RAB8A: variants seen among roughly 807,000 people sequenced by gnomAD.
RAB8A encodes the protein ras-related protein Rab-8A.
Under a neutral mutation model 29.2 loss-of-function variants are expected in RAB8A, and 5 were observed. The ratio of observed to expected loss-of-function variants is 0.17; its 90% CI spans 0.09 to 0.36. The LOEUF (loss-of-function observed/expected upper bound fraction) is 0.36. Ranked by LOEUF, RAB8A falls within the 10% of genes least tolerant of loss-of-function variation. The pLI, the probability that RAB8A is intolerant of heterozygous loss-of-function variation, is 1.00. For missense variants in RAB8A, 171 were observed against 272.2 expected (o/e 0.63, Z 2.62); for synonymous variants, 108 against 99.9 (o/e 1.08, Z -0.49).
chr19:16,132,568 CAGAG>C lies in RAB8A; in HGVS notation c.*273_*276del, dbSNP rs2090931169. ...CGGGCCCACCCACACGTTGTATATT[CAGAG>C]AGAGAGAGGGAGTCAAGGTGTGACC... On this transcript the variant is annotated 3_prime_UTR_variant, in exon 8 of 8. Coordinates refer to ENST00000300935, the MANE Select transcript of RAB8A (RefSeq NM_005370.5). The surrounding 1 kb of genome is among the most constrained non-coding windows in gnomAD (Gnocchi z 5.6). 8.5e-6 allele frequency: 4 copies of C among 468,238 alleles called. No homozygotes were observed. The highest frequency in any genetic ancestry group is 1.2e-5 in the Non-Finnish European group (3 of 255,782). The allele number at this position is 468,238 out of a possible 1,614,324, so 29.0% of individuals were successfully genotyped here.
rs2090909461 is a variant in RAB8A at position 16,128,037 on chromosome 19, C to T, written c.426C>T (p.Asp142=). The T allele has an allele frequency of 6.2e-7, 1 of 1,614,180 alleles. No homozygotes were observed. Among genetic ancestry groups the T allele is most frequent in the Non-Finnish European group, 8.5e-7 (1 of 1,180,026 alleles). ...SKERGEKLAL[D]YGIKFMETSA... ...TCCCTCTCTCACAGCTGGCCCTCGA[C>T]TATGGAATCAAGTTCATGGAGACCA... Residue 142 remains aspartate (D), a synonymous_variant, in exon 6 of 8, where the codon GAC becomes GAT. Coordinates refer to ENST00000300935, the MANE Select transcript of RAB8A (RefSeq NM_005370.5).
At chr19:16,124,069 G>A (rs1004862422) in intron 3 of RAB8A, 2 of 152,134 alleles carry the variant, frequency 1.3e-5, no homozygotes, top group Non-Finnish European at 1.5e-5. Context: ...GGTGAAGGCA[G>A]GAATCCTGGG....
rs1261441156 is a variant in RAB8A at position 16,133,454 on chromosome 19, T to C, written c.*1150T>C. Reference sequence around the variant, plus strand: ...CACCAGCCTTTTCTTTTTTTCTTTCTTTTTTTTTTTTTCCTCCTTAAGCTG... The same window carrying C: ...CACCAGCCTTTTCTTTTTTTCTTTCCTTTTTTTTTTTTCCTCCTTAAGCTG... On this transcript the variant is annotated 3_prime_UTR_variant, in exon 8 of 8. Transcript: ENST00000300935. The C allele has an allele frequency of 1.9e-5, 2 of 107,064 alleles. No homozygotes were observed. Among genetic ancestry groups the C allele is most frequent in the Non-Finnish European group, 2.1e-5 (1 of 48,564 alleles). The allele number at this position is 107,064 out of a possible 1,614,324, so 6.6% of individuals were successfully genotyped here.
intron 1 of RAB8A, chr19:16,112,248 C>T (rs1002589848): frequency 1.7e-6 from 1 of 585,520 alleles, no homozygotes; most frequent in African/African-American, 1.9e-5. Flanking sequence ...GACTGAGGCT[C>T]CGACCCTCAG....
intron 2 of RAB8A, among the ~76,000 whole-genome samples, chr19:16,120,316 T>TTC (rs1423900216): frequency 3.4e-5 from 5 of 147,554 alleles, no homozygotes; most frequent in Admixed American, 2.7e-4. Context: ...ACCTTTAATT[T>TTC]TTTTTTTTTT....
rs141493618 is a variant in RAB8A, at chr19:16,133,153, G to A, written c.*849G>A. 531 of 152,368 alleles carry A rather than the reference G, an allele frequency of 3.5e-3. 7 individuals are homozygous for A. Among genetic ancestry groups the A allele is most frequent in the Admixed American group, 0.016 (243 of 15,282 alleles). 9.4% of individuals were successfully genotyped at this position (152,368 alleles called of 1,614,324 possible). A position where few individuals can be genotyped will look rare whatever the true frequency, so the allele number is the denominator to read the frequency against. ...CGTGTCCTCCCGCTATCTCCAAATC[G>A]GACGTTCTTTCTAGCTGAGATTTTT... On this transcript the variant is annotated 3_prime_UTR_variant, in exon 8 of 8. Coordinates refer to ENST00000300935, the MANE Select transcript of RAB8A (RefSeq NM_005370.5).
At chr19:16,128,002 T>G in intron 5 of RAB8A, 24 bp from the exon 6 acceptor site, 1 of 1,613,626 alleles carries the variant, frequency 6.2e-7, no homozygotes, top group Non-Finnish European at 8.5e-7. Context: ...GGTGTGCTCA[T>G]GCGTGTGCCT....
At chr19:16,126,131 G>A (rs930404924) in intron 4 of RAB8A, 3 of 185,828 alleles carry the variant, frequency 1.6e-5, no homozygotes, top group Admixed American at 1.6e-4. Context: ...TAACCATGTG[G>A]GGCTTCAGGT....
At position 16,127,668 on chromosome 19, in the gene RAB8A, C is replaced by A; in HGVS notation, c.414+142C>A. On this transcript the variant is annotated intron_variant, in intron 5 of 7. Transcript: ENST00000300935. This position sits in a 1 kb window ranked among gnomAD's most constrained non-coding sequence, Gnocchi z 4.8. ...GGCACGTGCCATGGGATGACAGAAGCACACACCCAGCCGGGGCTTCTTGGG... is the reference window on the plus strand; with the variant it reads ...GGCACGTGCCATGGGATGACAGAAGAACACACCCAGCCGGGGCTTCTTGGG... 1 of 673,804 alleles carries A rather than the reference C, an allele frequency of 1.5e-6. No homozygotes were observed. The highest frequency in any genetic ancestry group is 2.5e-6 in the Non-Finnish European group (1 of 407,524). The allele number at this position is 673,804 out of a possible 1,614,324, so 41.7% of individuals were successfully genotyped here.
At position 16,127,598 on chromosome 19, in the gene RAB8A, C is replaced by A; in HGVS notation, c.414+72C>A. The A allele has an allele frequency of 8.3e-7, 1 of 1,203,516 alleles. No homozygotes were observed. 74.6% of individuals were successfully genotyped at this position (1,203,516 alleles called of 1,614,324 possible). A position where few individuals can be genotyped will look rare whatever the true frequency, so the allele number is the denominator to read the frequency against. On this transcript the variant is annotated intron_variant, in intron 5 of 7. Transcript: ENST00000300935. This position sits in a 1 kb window ranked among gnomAD's most constrained non-coding sequence, Gnocchi z 4.8. ...TCTTGTGCAGAGGCCTTCCCCTGTC[C>A]CTCCTCTGCCCCAGGGGCCTGAGAC...
At chr19:16,112,510 G>A (rs546427875) in intron 1 of RAB8A, 48 of 163,562 alleles carry the variant, frequency 2.9e-4, no homozygotes, top group Admixed American at 1.3e-3. Context: ...TTATGAGCCC[G>A]TCTGACAAGA....
intron 1 of RAB8A, among the ~76,000 whole-genome samples, chr19:16,115,713 C>G (rs1472725315): frequency 1.3e-5 from 2 of 152,222 alleles, no homozygotes; most frequent in African/African-American, 4.8e-5. Context: ...AAGGTGCGTG[C>G]AGGACTGGGG....
rs186281288 is a variant in RAB8A at position 16,118,852 on chromosome 19, A to T, written c.185+566A>T. On this transcript the variant is annotated intron_variant, in intron 2 of 7. Coordinates refer to ENST00000300935, the MANE Select transcript of RAB8A (RefSeq NM_005370.5). Reference sequence around the variant, plus strand: ...TCCTGAGAACTAAGGGTGACTTCCCATGCACATACAATTAGGGAAGTGGGG... The same window carrying T: ...TCCTGAGAACTAAGGGTGACTTCCCTTGCACATACAATTAGGGAAGTGGGG... 9.2e-4 allele frequency among the ~76,000 whole-genome samples: 140 copies of T among 152,320 alleles called. 1 individual carries two copies. Among genetic ancestry groups the T allele is most frequent in the African/African-American group, 3.3e-3 (137 of 41,566 alleles).
rs2144990036 is a variant in RAB8A, at chr19:16,122,361, C to T, written c.246+551C>T. Reference sequence around the variant, plus strand: ...AGGCGGCCAGGGATGGGACGAGGTCCTGTGTCAGGGGCCCTGTGTGTACAT... The same window carrying T: ...AGGCGGCCAGGGATGGGACGAGGTCTTGTGTCAGGGGCCCTGTGTGTACAT... On this transcript the variant is annotated intron_variant, in intron 3 of 7. Transcript: ENST00000300935. This position sits in a 1 kb window ranked among gnomAD's most constrained non-coding sequence, Gnocchi z 4.7. 6.6e-6 allele frequency among the ~76,000 whole-genome samples: 1 copy of T among 152,306 alleles called. No individual in the cohort carries two copies. Among genetic ancestry groups the T allele is most frequent in the Admixed American group, 6.5e-5 (1 of 15,288 alleles).
In RAB8A at chr19:16,132,330, G is replaced by A. The variant is rs201882549; in HGVS notation, c.*26G>A. On this transcript the variant is annotated 3_prime_UTR_variant, in exon 8 of 8. Transcript: ENST00000300935. This position sits in a 1 kb window ranked among gnomAD's most constrained non-coding sequence, Gnocchi z 5.6. ...GGAACACCGCCTTACTCTGAGCCTC[G>A]CTCAGCCCAGCTGACTGTGCCTGTT... 521 of 1,605,618 alleles carry A rather than the reference G, an allele frequency of 3.2e-4. 1 individual carries two copies. The highest frequency in any genetic ancestry group is 3.2e-3 in the African/African-American group (238 of 74,780).
chr19:16,116,182 G>C (rs191292791), intron 1 of RAB8A, among the ~76,000 whole-genome samples: 1 of 152,296 alleles, frequency 6.6e-6, no homozygotes, highest in Non-Finnish European at 1.5e-5. Context: ...ACTTTCCAGG[G>C]CAGGGAAGAG....
chr19:16,118,200 C>T lies in RAB8A; in HGVS notation c.125-26C>T, dbSNP rs115372058. 4,197 of 1,596,906 alleles carry T rather than the reference C, an allele frequency of 2.6e-3. 94 individuals carry two copies. In the African/African-American group the frequency reaches 0.049, roughly 19 times the overall value. On this transcript the variant is annotated intron_variant, in intron 1 of 7. Coordinates refer to ENST00000300935, the MANE Select transcript of RAB8A (RefSeq NM_005370.5). ...AACTTGGGAAATGGGCTGACAGTGA[C>T]GTGCCTTTTTTCTTTTTTCTTTCAG...
intron 2 of RAB8A, among the ~76,000 whole-genome samples, chr19:16,121,377 A>G (rs1467184603): frequency 3.3e-5 from 5 of 152,138 alleles, no homozygotes; most frequent in Non-Finnish European, 5.9e-5. Flanking sequence ...TCAAACCAAG[A>G]TGGCAGGCCT....
intron 2 of RAB8A, among the ~76,000 whole-genome samples, chr19:16,118,659 C>T (rs1009372717): frequency 6.6e-6 from 1 of 152,140 alleles, no homozygotes; most frequent in South Asian, 2.1e-4. Flanking sequence ...ATGCCCCAGC[C>T]GAGAGTTTCC....
Sources: gnomAD v4.1 joint callset for allele counts (sites outside exome capture counted in the v4.1 genomes callset) on GRCh38, gnomAD v4.1.1 for gene constraint, Gnocchi (gnomAD v3.1) non-coding constraint, MANE v1.5 for transcripts, NCBI Gene and HGNC (gene_info 2026-07-23, HGNC 2026-07-21) for gene names.